MAD1L1: variants seen among roughly 807,000 people sequenced by gnomAD.
MAD1L1 encodes the protein mitotic spindle assembly checkpoint protein MAD1.
A neutral mutation model predicts 96.9 loss-of-function variants in MAD1L1; 95 were observed. The observed-to-expected ratio is 0.98, with a 90% CI of 0.83 to 1.16. The LOEUF (loss-of-function observed/expected upper bound fraction) is 1.16. MAD1L1 is among the 50% of genes most tolerant of loss of function. MAD1L1 has a pLI of 0.00. For synonymous variants in MAD1L1, 473 were observed against 396.6 expected (o/e 1.19, Z -2.29); for missense variants, 1,007 against 954.4 (o/e 1.06, Z -0.73).
At chr7:1,865,950 C>T (rs1031286126) in intron 18 of MAD1L1, among the ~76,000 whole-genome samples, 34 of 152,240 alleles carry the variant, frequency 2.2e-4, no homozygotes, top group African/African-American at 6.5e-4. Context: ...CAGGCACCAT[C>T]GGCCCGCAAT....
intron 17 of MAD1L1, among the ~76,000 whole-genome samples, chr7:1,910,670 C>A (rs1010557319): frequency 6.6e-6 from 1 of 152,218 alleles, no homozygotes; most frequent in East Asian, 1.9e-4. Context: ...CGTGTTTGCC[C>A]GTGTCCTGGC....
intron 15 of MAD1L1, among the ~76,000 whole-genome samples, chr7:1,970,114 G>A (rs977374349): frequency 2.0e-5 from 3 of 152,168 alleles, no homozygotes; most frequent in African/African-American, 7.2e-5. Flanking sequence ...AAGACTGCAT[G>A]TTGTAGGACT....
At chr7:2,166,397 G>A (rs1293286096) in intron 10 of MAD1L1, among the ~76,000 whole-genome samples, 1 of 152,160 alleles carries the variant, frequency 6.6e-6, no homozygotes, top group African/African-American at 2.4e-5. Context: ...AGCAGCCTGG[G>A]TTCCAATTAA....
intron 17 of MAD1L1, among the ~76,000 whole-genome samples, chr7:1,929,590 C>T (rs576895815): frequency 1.3e-5 from 2 of 152,194 alleles, no homozygotes; most frequent in East Asian, 3.9e-4. Context: ...GAGCAGGGGC[C>T]TCTTTATGTG....
chr7:1,847,586 C>T (rs545877002), intron 18 of MAD1L1: 11 of 471,134 alleles, frequency 2.3e-5, no homozygotes, highest in East Asian at 6.9e-5. Flanking sequence ...GTTCTGAAAC[C>T]GGGATGCACA....
In MAD1L1 at chr7:1,957,610, G is replaced by A. The variant is rs763936887; in HGVS notation, c.1596+19C>T. On this transcript the variant is annotated intron_variant, in intron 16 of 18. Transcript: ENST00000265854. ...AGAGGCCCAGGCAGTGCCTCACCCA[G>A]AGGCTGCCCCGCCCTCACCTGCAGA... The A allele has an allele frequency of 1.1e-5, 18 of 1,612,680 alleles. 1 individual carries two copies. The South Asian group carries it at 1.9e-4, about 17-fold the overall frequency.
chr7:2,057,509 A>G (rs981273037), intron 12 of MAD1L1, among the ~76,000 whole-genome samples: 1 of 151,948 alleles, frequency 6.6e-6, no homozygotes, highest in African/African-American at 2.4e-5. Context: ...ACAAGACTCC[A>G]TTCCCCCCAC....
intron 10 of MAD1L1, among the ~76,000 whole-genome samples, chr7:2,194,600 C>T (rs1489865321): frequency 6.6e-6 from 1 of 152,150 alleles, no homozygotes; most frequent in South Asian, 2.1e-4. Context: ...GACCTTATGG[C>T]CCCCAAAGCT....
chr7:1,981,048 C>T (rs933593868), intron 14 of MAD1L1, among the ~76,000 whole-genome samples: 2 of 152,184 alleles, frequency 1.3e-5, no homozygotes, highest in Admixed American at 1.3e-4. Context: ...CTCACTGCAA[C>T]CTCCACCTCG....
At chr7:1,980,619 G>A (rs966250459) in intron 14 of MAD1L1, 78 bp from the exon 15 acceptor site, 52 of 1,179,134 alleles carry the variant, frequency 4.4e-5, no homozygotes, top group Non-Finnish European at 5.8e-5. Context: ...CCAGGCCCCT[G>A]AGACCACCCC....
chr7:1,886,377 T>C (rs1786029204), intron 18 of MAD1L1, among the ~76,000 whole-genome samples: 1 of 152,202 alleles, frequency 6.6e-6, no homozygotes, highest in Admixed American at 6.5e-5. Context: ...TCTACACCCG[T>C]TGGCAGCAAA....
chr7:2,034,604 C>G (rs1783383543), intron 12 of MAD1L1, among the ~76,000 whole-genome samples: 1 of 152,242 alleles, frequency 6.6e-6, no homozygotes, highest in Non-Finnish European at 1.5e-5. Flanking sequence ...GGCACAGGCA[C>G]TGGCTGCAAT....
At chr7:2,075,029 G>C (rs1003460159) in intron 11 of MAD1L1, among the ~76,000 whole-genome samples, 1 of 152,228 alleles carries the variant, frequency 6.6e-6, no homozygotes, top group African/African-American at 2.4e-5. Context: ...GCCTCTGCAC[G>C]GGACGTGGAG....
At chr7:1,944,983 G>A (rs111956278) in intron 16 of MAD1L1, among the ~76,000 whole-genome samples, 22 of 152,318 alleles carry the variant, frequency 1.4e-4, no homozygotes, top group African/African-American at 2.9e-4. Context: ...CAAGGGAGCC[G>A]GAAGCAGAGG....
chr7:2,095,390 G>T (rs980179128), intron 11 of MAD1L1, among the ~76,000 whole-genome samples: 1 of 136,662 alleles, frequency 7.3e-6, no homozygotes, highest in African/African-American at 3.1e-5. Context: ...GATAAAAAAA[G>T]AAAAGAAAAG....
intron 18 of MAD1L1, among the ~76,000 whole-genome samples, chr7:1,875,512 G>A (rs1785339054): frequency 6.6e-6 from 1 of 152,200 alleles, no homozygotes; most frequent in South Asian, 2.1e-4. Flanking sequence ...TCCCCTGCTG[G>A]CAGAACCTTC....
At chr7:2,123,577 G>A (rs1430033025) in intron 11 of MAD1L1, among the ~76,000 whole-genome samples, 3 of 152,310 alleles carry the variant, frequency 2.0e-5, no homozygotes, top group East Asian at 1.9e-4. Context: ...GCACCCAGGA[G>A]GAGCCAGCCC....
intron 15 of MAD1L1, among the ~76,000 whole-genome samples, chr7:1,961,893 T>C (rs913519435): frequency 6.6e-6 from 1 of 150,512 alleles, no homozygotes. Context: ...TGGTGGGAGA[T>C]AATGAATCAC....
chr7:2,161,253 C>G (rs1383051574), intron 10 of MAD1L1, among the ~76,000 whole-genome samples: 1 of 151,658 alleles, frequency 6.6e-6, no homozygotes, highest in Admixed American at 6.6e-5. Context: ...ATTGCAGGCG[C>G]GCGCCGCCAA....
Sources: allele counts gnomAD v4.1 joint callset (sites outside exome capture counted in the v4.1 genomes callset), GRCh38; gene constraint gnomAD v4.1.1; transcripts MANE v1.5; gene names NCBI Gene and HGNC (gene_info 2026-07-23, HGNC 2026-07-21).